The following PPP2R2B variants were observed in gnomAD, a reference collection of about 807,000 sequenced individuals.
PPP2R2B encodes the protein protein phosphatase 2 regulatory subunit Bbeta.
A neutral mutation model predicts 46.0 loss-of-function variants in PPP2R2B; 5 were observed. The ratio of observed to expected loss-of-function variants is 0.11; its 90% CI spans 0.06 to 0.23. The LOEUF is 0.23. PPP2R2B is among the 10% of genes least tolerant of loss of function. The pLI, the probability that PPP2R2B is intolerant of heterozygous loss-of-function variation, is 1.00. For missense variants in PPP2R2B, 367 were observed against 575.0 expected (o/e 0.64, Z 3.70); for synonymous variants, 215 against 206.7 (o/e 1.04, Z -0.34).
intron 1 of PPP2R2B, among the ~76,000 whole-genome samples, chr5:147,036,037 T>G (rs1756017945): frequency 6.6e-6 from 1 of 152,204 alleles, no homozygotes; most frequent in Non-Finnish European, 1.5e-5. Context: ...GGGATACATG[T>G]GCAGGATGTG....
intron 2 of PPP2R2B, among the ~76,000 whole-genome samples, chr5:146,814,658 A>T (rs1300220304): frequency 6.6e-6 from 1 of 152,228 alleles, no homozygotes; most frequent in Non-Finnish European, 1.5e-5. Context: ...TGGTAAGGGG[A>T]AAAGCACCTC....
At chr5:146,886,461 T>C (rs1400176326) in intron 1 of PPP2R2B, among the ~76,000 whole-genome samples, 2 of 152,126 alleles carry the variant, frequency 1.3e-5, no homozygotes, top group East Asian at 3.8e-4. Context: ...GTTTAAAAGT[T>C]TGAATCTTAT....
At chr5:146,617,049 A>G (rs755643963) in intron 7 of PPP2R2B, 2 of 151,516 alleles carry the variant, frequency 1.3e-5, no homozygotes, top group Non-Finnish European at 1.5e-5. Context: ...CATGAAAAAG[A>G]ATGAGATCCT....
chr5:146,769,071 T>A (rs1582060997), intron 2 of PPP2R2B, among the ~76,000 whole-genome samples: 1 of 152,068 alleles, frequency 6.6e-6, no homozygotes, highest in Non-Finnish European at 1.5e-5. Flanking sequence ...AGAGGCAGGG[T>A]TTTGCCATGT....
intron 1 of PPP2R2B, among the ~76,000 whole-genome samples, chr5:146,964,270 C>T (rs1181895319): frequency 2.6e-5 from 4 of 152,098 alleles, no homozygotes. Flanking sequence ...ATAGATCTGA[C>T]AGTCAAAGAA....
chr5:146,771,912 T>G (rs1561894296), intron 2 of PPP2R2B, among the ~76,000 whole-genome samples: 1 of 152,018 alleles, frequency 6.6e-6, no homozygotes, highest in East Asian at 1.9e-4. Flanking sequence ...TCCACAAACC[T>G]AGAGGAGATC....
intron 1 of PPP2R2B, among the ~76,000 whole-genome samples, chr5:146,910,962 T>C (rs954547354): frequency 1.7e-4 from 26 of 152,200 alleles, no homozygotes; most frequent in African/African-American, 6.0e-4. Context: ...GGCTTCTACA[T>C]AGGCTGTTCC....
At chr5:146,956,129 C>T (rs996767187) in intron 1 of PPP2R2B, among the ~76,000 whole-genome samples, 1 of 152,016 alleles carries the variant, frequency 6.6e-6, no homozygotes, top group Non-Finnish European at 1.5e-5. Flanking sequence ...GGGATATCAA[C>T]AAAGTCATTA....
At chr5:146,945,429 A>C (rs1314925047) in intron 1 of PPP2R2B, among the ~76,000 whole-genome samples, 1 of 152,214 alleles carries the variant, frequency 6.6e-6, no homozygotes, top group East Asian at 1.9e-4. Context: ...TTTATCTTGG[A>C]AAGCAAATAC....
intron 1 of PPP2R2B, among the ~76,000 whole-genome samples, chr5:147,018,370 T>C (rs1200971026): frequency 1.3e-5 from 2 of 152,120 alleles, no homozygotes; most frequent in Non-Finnish European, 2.9e-5. Flanking sequence ...ATGAGGTTGA[T>C]GGCCATCTGT....
At chr5:146,663,329 G>A (rs1195505067) in intron 5 of PPP2R2B, among the ~76,000 whole-genome samples, 2 of 152,142 alleles carry the variant, frequency 1.3e-5, no homozygotes, top group Non-Finnish European at 2.9e-5. Flanking sequence ...CCTGGAGATG[G>A]AATAAACAAC....
chr5:146,831,010 T>C (rs1351546494), intron 2 of PPP2R2B, among the ~76,000 whole-genome samples: 1 of 152,116 alleles, frequency 6.6e-6, no homozygotes, highest in Non-Finnish European at 1.5e-5. Flanking sequence ...CAGGTGTTTG[T>C]GGTGATGGTG....
chr5:147,063,829 C>T (rs921726717), intron 2 of PPP2R2B, among the ~76,000 whole-genome samples: 5 of 152,134 alleles, frequency 3.3e-5, no homozygotes, highest in Admixed American at 6.5e-5. Flanking sequence ...ATCCAGGTGG[C>T]AAGATCTTAG....
chr5:146,774,331 G>A (rs1755042816), intron 2 of PPP2R2B, among the ~76,000 whole-genome samples: 1 of 152,148 alleles, frequency 6.6e-6, no homozygotes, highest in Non-Finnish European at 1.5e-5. Context: ...TATCAGCAAT[G>A]TGTTTTTGTC....
chr5:146,906,585 G>A (rs1026521700), intron 1 of PPP2R2B, among the ~76,000 whole-genome samples: 1 of 152,180 alleles, frequency 6.6e-6, no homozygotes, highest in African/African-American at 2.4e-5. Context: ...GCCTCCCAAA[G>A]TGCTGGGATT....
intron 1 of PPP2R2B, among the ~76,000 whole-genome samples, chr5:146,995,017 G>A (rs1216239097): frequency 1.3e-5 from 2 of 152,144 alleles, no homozygotes; most frequent in Non-Finnish European, 2.9e-5. Flanking sequence ...AGACTCCCTA[G>A]AGGCAGTGGT....
chr5:146,764,226 G>T (rs569045942), intron 2 of PPP2R2B, among the ~76,000 whole-genome samples: 2 of 152,170 alleles, frequency 1.3e-5, no homozygotes, highest in African/African-American at 4.8e-5. Context: ...GAGTCTGGAG[G>T]GGGGTGGGCA....
chr5:146,912,328 C>T (rs1193217210), intron 1 of PPP2R2B, among the ~76,000 whole-genome samples: 2 of 150,948 alleles, frequency 1.3e-5, no homozygotes, highest in Non-Finnish European at 2.9e-5. Flanking sequence ...TCAGTGGCCA[C>T]TTCCTGAATG....
chr5:146,634,957 T>C (rs1486710522), intron 7 of PPP2R2B, among the ~76,000 whole-genome samples: 1 of 152,082 alleles, frequency 6.6e-6, no homozygotes, highest in Non-Finnish European at 1.5e-5. Context: ...AGGCCTCCTA[T>C]ATCTGGCAAG....
Sources: allele counts gnomAD v4.1 joint callset (sites outside exome capture counted in the v4.1 genomes callset), GRCh38; gene constraint gnomAD v4.1.1; transcripts MANE v1.5; gene names NCBI Gene and HGNC (gene_info 2026-07-23, HGNC 2026-07-21).